P2RX5: variants seen among roughly 807,000 people sequenced by gnomAD.
P2RX5 encodes the protein purinergic receptor P2X 5.
P2RX5 carries 46 observed loss-of-function variants against 54.1 expected under a neutral mutation model. The ratio of observed to expected loss-of-function variants is 0.85; its 90% CI spans 0.67 to 1.09. The LOEUF (loss-of-function observed/expected upper bound fraction) is 1.09, where lower values mean the gene tolerates loss of function less well. Among genes scored for constraint, P2RX5 ranks in the 50% least tolerant of loss-of-function variants. The probability of loss-of-function intolerance (pLI) is 0.00; values close to 1 mark genes in which losing one functional copy is unlikely to be tolerated. For synonymous variants in P2RX5, 226 were observed against 226.4 expected (o/e 1.00, Z 0.02); for missense variants, 566 against 549.8 (o/e 1.03, Z -0.29).
In P2RX5 at chr17:3,688,704, G is replaced by A. The variant is rs768249448; in HGVS notation, c.809C>T (p.Ser270Phe). 6.2e-7 allele frequency: 1 copy of A among 1,613,738 alleles called. No homozygotes were observed. Among genetic ancestry groups the A allele is most frequent in the East Asian group, 2.2e-5 (1 of 44,880 alleles). The change falls in exon 8 of 12, where the codon TCT (serine) becomes TTT (phenylalanine). Residue 270 changes from serine (S) to phenylalanine (F), a missense_variant. Coordinates refer to ENST00000225328, the MANE Select transcript of P2RX5 (RefSeq NM_002561.4). ...AAAAGAATAGTGAGGGTGGCACTCAGAGGCAGCTTTATCAAGATCACAGTT... is the reference window on the plus strand; with the variant it reads ...AAAAGAATAGTGAGGGTGGCACTCAAAGGCAGCTTTATCAAGATCACAGTT... ...EWNCDLDKAA[S>F]ECHPHYSFSR...
At chr17:3,698,711 G>A (rs906773106), upstream of P2RX5, among the ~76,000 whole-genome samples, 9 of 152,160 alleles carry the variant, frequency 5.9e-5, no homozygotes, top group Middle Eastern at 3.4e-3. Flanking sequence ...AACTCCCCAC[G>A]GCACAGCCAA....
chr17:3,691,944 G>A (rs932089699), intron 1 of P2RX5, 150 bp from the exon 2 acceptor site: 3 of 779,022 alleles, frequency 3.9e-6, no homozygotes, highest in Non-Finnish European at 4.4e-6. Flanking sequence ...CTCCTGGGCA[G>A]GGGCCACAGC....
Position 3,688,096 on chromosome 17 carries a change from T to A in P2RX5, c.897A>T (p.Arg299Ser), listed in dbSNP as rs765749478. The change falls in exon 9 of 12, where the codon AGA (arginine) becomes AGT (serine). Residue 299 changes from arginine to serine, a missense_variant. Coordinates refer to ENST00000225328, the MANE Select transcript of P2RX5 (RefSeq NM_002561.4). The stretch of plus-strand genomic sequence containing the variant: ...CCACCCCGGCTGCGTCTCGGTAATA[T>A]CTGGCAAATCTGAGGGAGACAGGGC... ...VSSGYNFRFA[R>S]YYRDAAGVEF... The A allele has an allele frequency of 1.9e-6, 3 of 1,588,498 alleles. No individual in the cohort carries two copies. In the Admixed American group the frequency reaches 5.1e-5, roughly 27 times the overall value.
chr17:3,684,685 C>T (rs187506755), intron 9 of P2RX5, among the ~76,000 whole-genome samples: 7 of 152,242 alleles, frequency 4.6e-5, no homozygotes, highest in Non-Finnish European at 1.0e-4. Context: ...AAACAAAAAC[C>T]TCCTACGACA....
chr17:3,673,925 T>C, intron 11 of P2RX5, 48 bp from the exon 12 acceptor site: 1 of 1,536,224 alleles, frequency 6.5e-7, no homozygotes, highest in Admixed American at 1.8e-5. Context: ...GGCACTCTCA[T>C]CTTCCCAGTG....
chr17:3,693,615 G>C (rs1171766202), intron 1 of P2RX5, among the ~76,000 whole-genome samples: 1 of 152,142 alleles, frequency 6.6e-6, no homozygotes, highest in African/African-American at 2.4e-5. Flanking sequence ...GCCCATGCCT[G>C]TAATCCCAGT....
the P2RX5 span, among the ~76,000 whole-genome samples, chr17:3,719,770 G>A: frequency 1.4e-5 from 2 of 147,622 alleles, no homozygotes; most frequent in Non-Finnish European, 2.9e-5. Context: ...CTCTATCACT[G>A]AGGCTGGAGT....
chr17:3,716,541 A>T, the P2RX5 span: 1 of 639,614 alleles, frequency 1.6e-6, no homozygotes, highest in Non-Finnish European at 2.8e-6. Context: ...ATTTGTCTAA[A>T]TGGGGGTGTG....
chr17:3,704,724 A>ACTG, the P2RX5 span, among the ~76,000 whole-genome samples: 1 of 152,172 alleles, frequency 6.6e-6, no homozygotes, highest in Non-Finnish European at 1.5e-5. Context: ...ATAAAGATTC[A>ACTG]GGCCGGGTGT....
chr17:3,683,148 T>G (rs1052846403), intron 9 of P2RX5, among the ~76,000 whole-genome samples: 1 of 151,984 alleles, frequency 6.6e-6, no homozygotes, highest in African/African-American at 2.4e-5. Context: ...ATTGCCCCTC[T>G]CCTCCAGCAG....
At chr17:3,684,570 C>A (rs1363695026) in intron 9 of P2RX5, among the ~76,000 whole-genome samples, 2 of 152,238 alleles carry the variant, frequency 1.3e-5, no homozygotes, top group Non-Finnish European at 2.9e-5. Context: ...CCACTGCACT[C>A]CAGCCTGGGC....
chr17:3,676,727 C>A, intron 11 of P2RX5: 1 of 242,434 alleles, frequency 4.1e-6, no homozygotes, highest in Non-Finnish European at 6.7e-6. Context: ...GAGCTGGGAC[C>A]TGCATTTCTA....
At chr17:3,691,084 C>T (rs2050604085) in intron 2 of P2RX5, 57 bp from the exon 3 acceptor site, 3 of 1,299,770 alleles carry the variant, frequency 2.3e-6, no homozygotes, top group South Asian at 2.4e-5. Flanking sequence ...GACCACCCCA[C>T]CTTTCCAGCG....
the P2RX5 span, chr17:3,723,573 G>C: frequency 5.7e-5 from 68 of 1,184,034 alleles, no homozygotes; most frequent in Non-Finnish European, 6.7e-5. Context: ...GGGAGGGCCT[G>C]GCAGCCCCCG....
chr17:3,706,496 G>A, the P2RX5 span, among the ~76,000 whole-genome samples: 1 of 152,166 alleles, frequency 6.6e-6, no homozygotes, highest in Admixed American at 6.5e-5. Context: ...TGTGCTGAGT[G>A]CAGCCCATTG....
At chr17:3,677,530 G>A (rs1180752191) in intron 11 of P2RX5, 14 of 985,288 alleles carry the variant, frequency 1.4e-5, no homozygotes, top group Non-Finnish European at 1.7e-5. Flanking sequence ...GTCCCCTTGG[G>A]TGTTGTCCAA....
intron 1 of P2RX5, chr17:3,692,141 CAAAA>C (rs11419514): frequency 2.3e-4 from 33 of 142,846 alleles, no homozygotes; most frequent in South Asian, 1.1e-3. Context: ...TGTCTCTACT[CAAAA>C]AAAAAAAAAA....
rs1208738628 is a variant in P2RX5 at position 3,688,054 on chromosome 17, C to T, written c.939G>A (p.Met313Ile). ...CGTCAAAGCGGATCCCGTAGGCTTT[C>T]ATCAGGGTGCGGAACTCCACCCCGG... ...DAAGVEFRTLMKAYGIRFDVM... is the reference protein window; with the variant it reads ...DAAGVEFRTLIKAYGIRFDVM... The change falls in exon 9 of 12, where the codon ATG becomes ATA. Residue 313 changes from methionine to isoleucine, a missense_variant. By Grantham distance (10) the Met-to-Ile change is conservative (BLOSUM62 1). Coordinates refer to ENST00000225328, the MANE Select transcript of P2RX5 (RefSeq NM_002561.4). 35 of 1,605,378 alleles carry T rather than the reference C, an allele frequency of 2.2e-5. No homozygotes were observed. The Admixed American group carries it at 5.9e-4, about 27-fold the overall frequency.
Position 3,690,864 on chromosome 17 carries a change from T to C in P2RX5, c.360+92A>G. ...ACACAGCCACCCGAGACCCTTGGAG[T>C]GGACAGACACCCTTGCTTCAGAAGA... On this transcript the variant is annotated intron_variant, in intron 3 of 11. Coordinates refer to ENST00000225328, the MANE Select transcript of P2RX5 (RefSeq NM_002561.4). 3 of 1,253,886 alleles carry C rather than the reference T, an allele frequency of 2.4e-6. No individual in the cohort carries two copies. The Middle Eastern group carries it at 6.6e-4, about 274-fold the overall frequency. The allele number at this position is 1,253,886 out of a possible 1,614,324, so 77.7% of individuals were successfully genotyped here.
Sources: allele counts gnomAD v4.1 joint callset (sites outside exome capture counted in the v4.1 genomes callset), GRCh38; gene constraint gnomAD v4.1.1; transcripts MANE v1.5; gene names NCBI Gene and HGNC (gene_info 2026-07-23, HGNC 2026-07-21).